Variants in KCNIP3 observed in about 807,000 individuals in gnomAD.
KCNIP3 encodes calsenilin.
Under a neutral mutation model 35.0 loss-of-function variants are expected in KCNIP3, and 28 were observed. The ratio of observed to expected loss-of-function variants is 0.80; its 90% CI spans 0.59 to 1.10. The LOEUF (loss-of-function observed/expected upper bound fraction) is 1.10. KCNIP3 is among the 50% of genes least tolerant of loss of function. KCNIP3 has a pLI of 0.00. For synonymous variants in KCNIP3, 134 were observed against 133.8 expected, an observed-to-expected ratio of 1.00 and a Z score of -0.01; for missense variants, 295 against 338.4, an observed-to-expected ratio of 0.87 and a Z score of 1.01.
intron 1 of KCNIP3, 143 bp from the exon 2 acceptor site, chr2:95,310,212 G>C (rs1216324238): frequency 1.1e-6 from 1 of 935,982 alleles, no homozygotes; most frequent in Non-Finnish European, 1.7e-6. Context: ...CAGGACAAGG[G>C]GCACTAGGCA....
chr2:95,297,488 G>T (rs375786956), intron 1 of KCNIP3, 35 bp downstream of exon 1: 3 of 1,336,914 alleles, frequency 2.2e-6, no homozygotes, highest in Admixed American at 4.0e-5. Context: ...TGCTCTGGAG[G>T]GGGGTCGGGG....
intron 2 of KCNIP3, among the ~76,000 whole-genome samples, chr2:95,352,435 G>C (rs1332932096): frequency 6.6e-6 from 1 of 152,122 alleles, no homozygotes; most frequent in African/African-American, 2.4e-5. Context: ...CCTGGGGTCA[G>C]AGGCTGCTGA....
intron 2 of KCNIP3, among the ~76,000 whole-genome samples, chr2:95,332,524 T>C (rs1267170928): frequency 6.6e-6 from 1 of 151,998 alleles, no homozygotes; most frequent in East Asian, 1.9e-4. Context: ...CTAAAAGGAG[T>C]CCCAGAAAAC....
chr2:95,374,471 G>C, intron 3 of KCNIP3, 51 bp downstream of exon 3: 1 of 1,597,004 alleles, frequency 6.3e-7, no homozygotes, highest in South Asian at 1.1e-5. Flanking sequence ...CTGGCTCAGG[G>C]AGACCTGGAA....
At position 95,384,040 on chromosome 2, in the gene KCNIP3, T is replaced by A; in HGVS notation, c.762T>A (p.Asn254Lys). Reference protein sequence around the residue: ...NIMSSMQLFENVI With the variant: ...NIMSSMQLFEKVI Reference sequence around the variant, plus strand: ...TGAGCTCCATGCAGCTGTTTGAGAATGTCATCTAGGACACGTCCAAAGGAG... The same window carrying A: ...TGAGCTCCATGCAGCTGTTTGAGAAAGTCATCTAGGACACGTCCAAAGGAG... Residue 254 changes from asparagine (N) to lysine (K), a missense_variant, in exon 9 of 9, where the codon AAT becomes AAA. By Grantham distance (94) the Asn-to-Lys change is moderately conservative. Transcript: ENST00000295225. 1 of 1,613,910 alleles carries A rather than the reference T, an allele frequency of 6.2e-7. No homozygotes were observed. Among genetic ancestry groups the A allele is most frequent in the Non-Finnish European group, 8.5e-7 (1 of 1,179,966 alleles).
intron 2 of KCNIP3, among the ~76,000 whole-genome samples, chr2:95,345,977 G>A (rs1289516271): frequency 2.6e-5 from 4 of 152,160 alleles, no homozygotes; most frequent in African/African-American, 9.7e-5. Context: ...AGGCGGCGGC[G>A]GCTGCGAGTC....
chr2:95,368,873 G>A (rs372322833), intron 2 of KCNIP3: 68 of 182,748 alleles, frequency 3.7e-4, no homozygotes, highest in Non-Finnish European at 7.2e-4. Context: ...AGCACAAAAA[G>A]CCCCCACCAT....
chr2:95,327,510 CTGT>C (rs1461754510), intron 2 of KCNIP3, among the ~76,000 whole-genome samples: 6 of 152,126 alleles, frequency 3.9e-5, no homozygotes, highest in Admixed American at 1.3e-4. Context: ...GAAGCAGTGG[CTGT>C]TGTTTTCATT....
At chr2:95,364,928 TAAA>T (rs1308138873) in intron 2 of KCNIP3, among the ~76,000 whole-genome samples, 2 of 151,758 alleles carry the variant, frequency 1.3e-5, no homozygotes, top group African/African-American at 4.8e-5. Context: ...CTATTATAAA[TAAA>T]AAAAATTAGC....
chr2:95,378,266 G>A lies in KCNIP3; in HGVS notation c.447+3058G>A, dbSNP rs112032343. Among the ~76,000 whole-genome samples the A allele has an allele frequency of 0.031, 4,739 of 152,220 alleles. 106 individuals carry two copies. The highest frequency in any genetic ancestry group is 0.052 in the Non-Finnish European group (3,509 of 68,000). On this transcript the variant is annotated intron_variant, in intron 5 of 8. Coordinates refer to ENST00000295225, the MANE Select transcript of KCNIP3 (RefSeq NM_013434.5). The surrounding 1 kb of genome is among the most constrained non-coding windows in gnomAD (Gnocchi z 4.0). ...GCCTCCCGAGTACCTGGGACTGCGG[G>A]TGCATGCCACCATGCCCAGCTAATT...
At chr2:95,337,630 C>G (rs1445875575) in intron 2 of KCNIP3, among the ~76,000 whole-genome samples, 1 of 152,220 alleles carries the variant, frequency 6.6e-6, no homozygotes, top group Admixed American at 6.5e-5. Context: ...CCTTCCCACT[C>G]ACTCTGAGAC....
intron 2 of KCNIP3, among the ~76,000 whole-genome samples, chr2:95,354,884 C>T (rs747573866): frequency 1.3e-4 from 20 of 152,182 alleles, no homozygotes; most frequent in Non-Finnish European, 2.9e-5. Flanking sequence ...GGGTCTGGTG[C>T]CCTTTGTAAA....
At chr2:95,303,687 C>G (rs1031695071) in intron 1 of KCNIP3, among the ~76,000 whole-genome samples, 1 of 152,216 alleles carries the variant, frequency 6.6e-6, no homozygotes, top group Non-Finnish European at 1.5e-5. Flanking sequence ...CCAGGCCACC[C>G]TTCTGAGGCA....
intron 2 of KCNIP3, among the ~76,000 whole-genome samples, chr2:95,345,395 C>T (rs982986718): frequency 2.1e-4 from 32 of 152,266 alleles, no homozygotes; most frequent in Non-Finnish European, 4.0e-4. Context: ...CGTAGGCGCG[C>T]TCCAGGGGGC....
intron 2 of KCNIP3, among the ~76,000 whole-genome samples, chr2:95,331,970 G>T (rs1268527159): frequency 6.6e-6 from 1 of 152,238 alleles, no homozygotes; most frequent in Admixed American, 6.5e-5. Context: ...CTGCATGTGA[G>T]AGGTGAAGGA....
chr2:95,343,613 C>T (rs527332718), intron 2 of KCNIP3, among the ~76,000 whole-genome samples: 90 of 152,256 alleles, frequency 5.9e-4, no homozygotes, highest in African/African-American at 2.1e-3. Context: ...ATGGGACATC[C>T]AGGGAATGTC....
chr2:95,383,335 T>G (rs760161348), intron 8 of KCNIP3, 41 bp downstream of exon 8: 1 of 1,598,404 alleles, frequency 6.3e-7, no homozygotes, highest in South Asian at 1.1e-5. Context: ...CTCTGCAGGC[T>G]CTACACGGAG....
intron 4 of KCNIP3, 101 bp downstream of exon 4, chr2:95,375,018 G>A (rs754344386): frequency 3.1e-5 from 47 of 1,509,964 alleles, no homozygotes; most frequent in South Asian, 9.0e-5. Flanking sequence ...CCCCTGTCCC[G>A]TGGGAAACAG....
chr2:95,374,049 G>A (rs929766649), intron 2 of KCNIP3, among the ~76,000 whole-genome samples: 1 of 152,236 alleles, frequency 6.6e-6, no homozygotes, highest in Non-Finnish European at 1.5e-5. Flanking sequence ...CTGACAGGGG[G>A]GCACACTGCA....
Sources: allele counts gnomAD v4.1 joint callset (sites outside exome capture counted in the v4.1 genomes callset), GRCh38; gene constraint gnomAD v4.1.1; non-coding constraint Gnocchi (gnomAD v3.1); transcripts MANE v1.5; gene names NCBI Gene and HGNC (gene_info 2026-07-23, HGNC 2026-07-21).